Variants in NRG1 observed in about 807,000 individuals in gnomAD.
NRG1 encodes neuregulin 1.
Under a neutral mutation model 63.8 loss-of-function variants are expected in NRG1, and 18 were observed. That is an observed-to-expected ratio of 0.28 (90% confidence interval 0.19 to 0.42). The LOEUF (loss-of-function observed/expected upper bound fraction) is 0.42. NRG1 is among the 10% of genes least tolerant of loss of function. The probability of loss-of-function intolerance (pLI) is 1.00; values close to 1 mark genes in which losing one functional copy is unlikely to be tolerated. For missense variants in NRG1, 762 were observed against 814.7 expected (o/e 0.94, Z 0.79); for synonymous variants, 302 against 301.3 (o/e 1.00, Z -0.02).
intron 1 of NRG1, among the ~76,000 whole-genome samples, chr8:32,137,690 C>T (rs1247457846): frequency 2.0e-5 from 3 of 152,094 alleles, no homozygotes; most frequent in Non-Finnish European, 2.9e-5. Context: ...TCTCCACCTC[C>T]GCTTTCCTTG....
chr8:31,952,676 C>G (rs545509979), intron 1 of NRG1, among the ~76,000 whole-genome samples: 1 of 152,120 alleles, frequency 6.6e-6, no homozygotes, highest in Non-Finnish European at 1.5e-5. Context: ...CTACATTGGC[C>G]TTGGGCCTAT....
intron 1 of NRG1, among the ~76,000 whole-genome samples, chr8:32,234,195 A>G (rs1259164896): frequency 2.0e-5 from 3 of 152,156 alleles, no homozygotes; most frequent in South Asian, 4.2e-4. Context: ...TCTCTTTCTA[A>G]CTTCCTACCT....
Position 32,702,152 on chromosome 8 carries a change from C to T in NRG1, c.503-25797C>T, listed in dbSNP as rs140268938. Among the ~76,000 whole-genome samples the T allele has an allele frequency of 3.4e-3, 523 of 152,198 alleles. 3 individuals are homozygous for T. Among genetic ancestry groups the T allele is most frequent in the African/African-American group, 0.012 (479 of 41,538 alleles). On this transcript the variant is annotated intron_variant, in intron 5 of 11. Transcript: ENST00000356819. ...AGTCATTTATAACAACAAAAAAAAT[C>T]GATAGGAAATGGATGTTTTAGGGAA...
rs533901578 is a variant in NRG1, at chr8:32,530,905, A to G, written c.38-64923A>G. On this transcript the variant is annotated intron_variant, in intron 1 of 10. Coordinates refer to the NRG1 transcript ENST00000519301. ...TCAGGAGTTCAAGACCAGCCTGACC[A>G]ACATGGTGACACCTCATCTCTATTA... Among the ~76,000 whole-genome samples, 10 of 152,310 alleles carry G rather than the reference A, an allele frequency of 6.6e-5. No individual in the cohort carries two copies. The East Asian group carries it at 1.7e-3, about 26-fold the overall frequency.
chr8:32,051,544 G>A (rs1821978966), intron 1 of NRG1, among the ~76,000 whole-genome samples: 1 of 152,188 alleles, frequency 6.6e-6, no homozygotes, highest in Non-Finnish European at 1.5e-5. Flanking sequence ...CCAACAGTTT[G>A]CCAGTTGTGG....
At chr8:32,747,049 T>C (rs1827578697) in intron 7 of NRG1, among the ~76,000 whole-genome samples, 1 of 152,016 alleles carries the variant, frequency 6.6e-6, no homozygotes, top group South Asian at 2.1e-4. Context: ...ATTGAATTAT[T>C]TGAAATTGGA....
chr8:32,049,786 T>C (rs1388366882), intron 1 of NRG1, among the ~76,000 whole-genome samples: 2 of 152,186 alleles, frequency 1.3e-5, no homozygotes, highest in Admixed American at 1.3e-4. Context: ...ATGTAGGTCA[T>C]GGCCTGAAGT....
At chr8:32,346,603 A>G (rs1338531769) in intron 1 of NRG1, among the ~76,000 whole-genome samples, 1 of 151,994 alleles carries the variant, frequency 6.6e-6, no homozygotes, top group Admixed American at 6.6e-5. Context: ...TTTAATTAGC[A>G]TAATCCCTGT....
intron 1 of NRG1, among the ~76,000 whole-genome samples, chr8:32,540,626 T>C (rs1832486779): frequency 6.6e-6 from 1 of 152,156 alleles, no homozygotes; most frequent in South Asian, 2.1e-4. Context: ...CAGTACACAC[T>C]CTGGGACAAA....
chr8:31,887,147 C>T (rs1175069805), intron 1 of NRG1, among the ~76,000 whole-genome samples: 1 of 152,018 alleles, frequency 6.6e-6, no homozygotes, highest in Non-Finnish European at 1.5e-5. Flanking sequence ...TAGTTTTGTC[C>T]TGTTTCCTGT....
rs57478389 is a variant in NRG1 at position 32,634,099 on chromosome 8, T to TAAAAAAAAA, written c.502+17225_502+17233dup. ...TTTGAGGCTGAGCAAGATCTTGTCT[T>TAAAAAAAAA]AAAAAAAAAAAAAAAAAAAGGTTGC... On this transcript the variant is annotated intron_variant, in intron 5 of 11. Transcript: ENST00000356819. Among the ~76,000 whole-genome samples the TAAAAAAAAA allele has an allele frequency of 5.6e-4, 49 of 86,744 alleles. 4 individuals carry two copies. In the East Asian group the frequency reaches 0.025, roughly 44 times the overall value. 56.9% of individuals were successfully genotyped at this position (86,744 alleles called of 152,430 possible).
chr8:32,766,311 C>G (rs966866566), exon 12 of NRG1: 2 of 152,248 alleles, frequency 1.3e-5, no homozygotes, highest in Middle Eastern at 3.4e-3. Context: ...CGTCACTGTT[C>G]ACATGCCACT....
At chr8:32,324,298 G>A (rs549314083) in intron 1 of NRG1, among the ~76,000 whole-genome samples, 48 of 152,306 alleles carry the variant, frequency 3.2e-4, no homozygotes, top group East Asian at 1.9e-3. Context: ...TAAGCCGGGG[G>A]TATCTCCAAA....
intron 5 of NRG1, among the ~76,000 whole-genome samples, chr8:32,684,811 G>A (rs1158292381): frequency 2.6e-5 from 4 of 151,030 alleles, no homozygotes; most frequent in Admixed American, 1.3e-4. Flanking sequence ...AATTAGGTAG[G>A]TGGTATAAAA....
chr8:32,557,798 T>G (rs949997817), intron 1 of NRG1, among the ~76,000 whole-genome samples: 4 of 152,116 alleles, frequency 2.6e-5, no homozygotes, highest in African/African-American at 7.2e-5. Flanking sequence ...AAACCAATAA[T>G]TTGAATACTG....
At chr8:32,078,008 C>A (rs1826862362) in intron 1 of NRG1, among the ~76,000 whole-genome samples, 1 of 152,146 alleles carries the variant, frequency 6.6e-6, no homozygotes. Context: ...TGTAATTGGC[C>A]ATATAGTAAA....
intron 1 of NRG1, among the ~76,000 whole-genome samples, chr8:31,855,394 G>A (rs896158683): frequency 2.0e-5 from 3 of 151,998 alleles, no homozygotes; most frequent in African/African-American, 4.8e-5. Flanking sequence ...TTTGATCTTT[G>A]TTGGTTTAAA....
intron 1 of NRG1, among the ~76,000 whole-genome samples, chr8:32,250,562 TA>T (rs11316415): frequency 0.67 from 102,393 of 151,932 alleles, 34,955 homozygotes; most frequent in Admixed American, 0.76. Context: ...CATTTTTTTA[TA>T]GCTTATAGTG....
At chr8:31,837,334 A>T (rs1825771152) in intron 1 of NRG1, among the ~76,000 whole-genome samples, 1 of 151,976 alleles carries the variant, frequency 6.6e-6, no homozygotes. Flanking sequence ...TCATTCTGAG[A>T]GTATAAAATA....
Sources: allele counts gnomAD v4.1 joint callset (sites outside exome capture counted in the v4.1 genomes callset), GRCh38; gene constraint gnomAD v4.1.1; transcripts MANE v1.5; gene names NCBI Gene and HGNC (gene_info 2026-07-23, HGNC 2026-07-21).